Variants in PCTP observed in about 807,000 individuals in gnomAD.
PCTP encodes phosphatidylcholine transfer protein.
PCTP carries 27 observed loss-of-function variants against 31.0 expected under a neutral mutation model. The observed-to-expected ratio is 0.87, with a 90% CI of 0.64 to 1.20. The LOEUF (loss-of-function observed/expected upper bound fraction) is 1.20. PCTP is among the 50% of genes most tolerant of loss of function. The probability of loss-of-function intolerance (pLI) is 0.00; values close to 1 mark genes in which losing one functional copy is unlikely to be tolerated. For synonymous variants in PCTP, 108 were observed against 101.2 expected, an observed-to-expected ratio of 1.07 and a Z score of -0.40; for missense variants, 287 against 268.2, an observed-to-expected ratio of 1.07 and a Z score of -0.49.
At chr17:55,754,784 CTG>C (rs1909916309) in intron 1 of PCTP, among the ~76,000 whole-genome samples, 1 of 152,130 alleles carries the variant, frequency 6.6e-6, no homozygotes, top group Non-Finnish European at 1.5e-5. Context: ...GTACAAAAGA[CTG>C]TAACGAGGGC....
downstream of PCTP, among the ~76,000 whole-genome samples, chr17:55,828,051 G>A (rs565828490): frequency 6.6e-6 from 1 of 152,158 alleles, no homozygotes; most frequent in Admixed American, 6.5e-5. Flanking sequence ...TTTGAAGGCA[G>A]GAAACTTTCT....
At chr17:55,800,278 A>C (rs776399760) in intron 3 of PCTP, among the ~76,000 whole-genome samples, 86 of 151,766 alleles carry the variant, frequency 5.7e-4, no homozygotes, top group Non-Finnish European at 1.2e-3. Flanking sequence ...GTTCCTTTTC[A>C]TTCTTTTTTC....
At chr17:55,765,654 T>C (rs539094670) in intron 1 of PCTP, among the ~76,000 whole-genome samples, 1 of 152,336 alleles carries the variant, frequency 6.6e-6, no homozygotes, top group South Asian at 2.1e-4. Context: ...AAGAATCACC[T>C]TTAAAAAATT....
At position 55,776,697 on chromosome 17, in the gene PCTP, C is replaced by T. The variant is rs552252949; in HGVS notation, c.*597C>T. On this transcript the variant is annotated 3_prime_UTR_variant, in exon 6 of 6. Transcript: ENST00000268896. ...GGTGATAATCCAGTAAGTCTTTCCT[C>T]GTTCCTACTTGTGGAGGATCAGTAG... 16 of 1,214,668 alleles carry T rather than the reference C, an allele frequency of 1.3e-5. No individual in the cohort carries two copies. Among genetic ancestry groups the T allele is most frequent in the African/African-American group, 3.1e-5 (2 of 64,242 alleles). The allele number at this position is 1,214,668 out of a possible 1,614,324, so 75.2% of individuals were successfully genotyped here.
chr17:55,793,862 T>C (rs937412895), intron 3 of PCTP, among the ~76,000 whole-genome samples: 1 of 152,122 alleles, frequency 6.6e-6, no homozygotes, highest in Non-Finnish European at 1.5e-5. Context: ...AAATGTAGCC[T>C]TAGAAGTTAT....
Position 55,776,269 on chromosome 17 carries a change from A to C in PCTP, c.*169A>C. On this transcript the variant is annotated 3_prime_UTR_variant, in exon 6 of 6. Coordinates refer to ENST00000268896, the MANE Select transcript of PCTP (RefSeq NM_021213.4). ...TTCTGTCTTCAGAGGCCTACACACT[A>C]CCACATCCTTTCTAAGCATGTTTGC... 7.2e-7 allele frequency: 1 copy of C among 1,390,976 alleles called. No homozygotes were observed. The highest frequency in any genetic ancestry group is 9.3e-7 in the Non-Finnish European group (1 of 1,072,828). 86.2% of individuals were successfully genotyped at this position (1,390,976 alleles called of 1,614,324 possible).
At chr17:55,852,401 G>A in the PCTP span, among the ~76,000 whole-genome samples, 1 of 152,128 alleles carries the variant, frequency 6.6e-6, no homozygotes, top group Non-Finnish European at 1.5e-5. Context: ...TATTTAAGCT[G>A]AGTCATACAA....
intron 3 of PCTP, among the ~76,000 whole-genome samples, chr17:55,806,507 TTACCCTCTGAAAA>T (rs940647353): frequency 1.3e-5 from 2 of 152,226 alleles, no homozygotes; most frequent in African/African-American, 4.8e-5. Context: ...ACCACTGAAT[TTACCCTCTGAAAA>T]TACCATCTGA....
intron 3 of PCTP, among the ~76,000 whole-genome samples, chr17:55,803,861 G>A (rs1404443421): frequency 6.8e-6 from 1 of 147,656 alleles, no homozygotes; most frequent in Non-Finnish European, 1.5e-5. Flanking sequence ...TTGACAAATG[G>A]ATCTAATTAA....
intron 5 of PCTP, among the ~76,000 whole-genome samples, chr17:55,833,786 G>A (rs1377204408): frequency 1.3e-5 from 2 of 152,058 alleles, no homozygotes; most frequent in Non-Finnish European, 2.9e-5. Flanking sequence ...CTCATCCCCC[G>A]CTGAAAGACC....
intron 5 of PCTP, among the ~76,000 whole-genome samples, chr17:55,831,831 C>A (rs1905606589): frequency 6.6e-6 from 1 of 152,160 alleles, no homozygotes; most frequent in African/African-American, 2.4e-5. Context: ...CCTGTAATCC[C>A]AGCACTTTGG....
At chr17:55,754,319 A>G (rs1400997012) in intron 1 of PCTP, among the ~76,000 whole-genome samples, 1 of 152,188 alleles carries the variant, frequency 6.6e-6, no homozygotes, top group Non-Finnish European at 1.5e-5. Context: ...CTTGGATTCA[A>G]TTAATTTACT....
intron 4 of PCTP, 54 bp downstream of exon 4, chr17:55,773,949 G>A (rs1304923730): frequency 1.3e-6 from 2 of 1,517,326 alleles, no homozygotes; most frequent in African/African-American, 2.7e-5. Flanking sequence ...CCACGGGAGG[G>A]CCAGGCTGAT....
intron 1 of PCTP, among the ~76,000 whole-genome samples, chr17:55,751,715 A>C (rs1204003413): frequency 6.6e-6 from 1 of 152,122 alleles, no homozygotes; most frequent in Non-Finnish European, 1.5e-5. Flanking sequence ...GGTTGCCGAG[A>C]AGGGCCCTAC....
chr17:55,767,834 T>C (rs1163727604), intron 2 of PCTP, among the ~76,000 whole-genome samples: 2 of 141,432 alleles, frequency 1.4e-5, no homozygotes, highest in African/African-American at 5.2e-5. Context: ...GACTCACGCC[T>C]GTAATCCCAG....
chr17:55,764,602 A>C (rs538817629), intron 1 of PCTP, among the ~76,000 whole-genome samples: 241 of 152,276 alleles, frequency 1.6e-3, no homozygotes, highest in Middle Eastern at 3.4e-3. Context: ...TCAATTTTAC[A>C]TTCATTTTTT....
chr17:55,831,001 G>A (rs981036529), intron 5 of PCTP, among the ~76,000 whole-genome samples: 11 of 152,200 alleles, frequency 7.2e-5, no homozygotes, highest in Non-Finnish European at 1.2e-4. Flanking sequence ...AGCTGTCGGC[G>A]CCTTCTCTTC....
chr17:55,781,274 C>A (rs541119488), downstream of PCTP, among the ~76,000 whole-genome samples: 8 of 152,328 alleles, frequency 5.3e-5, no homozygotes, highest in African/African-American at 1.2e-4. Flanking sequence ...GTTCTCCTGC[C>A]CCATGCTTTG....
At chr17:55,780,171 G>A (rs1455096740), downstream of PCTP, among the ~76,000 whole-genome samples, 1 of 151,638 alleles carries the variant, frequency 6.6e-6, no homozygotes. Flanking sequence ...CCAACAAAAT[G>A]GGAGGACTTC....
Sources: allele counts gnomAD v4.1 joint callset (sites outside exome capture counted in the v4.1 genomes callset), GRCh38; gene constraint gnomAD v4.1.1; transcripts MANE v1.5; gene names NCBI Gene and HGNC (gene_info 2026-07-23, HGNC 2026-07-21).